SKAP2: variants seen among roughly 807,000 people sequenced by gnomAD.
SKAP2 encodes src kinase-associated phosphoprotein 2.
Under a neutral mutation model 54.9 loss-of-function variants are expected in SKAP2, and 28 were observed. The observed-to-expected ratio is 0.51, with a 90% CI of 0.38 to 0.70. SKAP2 has a LOEUF of 0.70. Among genes scored for constraint, SKAP2 ranks in the 30% least tolerant of loss-of-function variants. SKAP2 has a pLI of 0.00. For missense variants in SKAP2, 356 were observed against 424.1 expected (o/e 0.84, Z 1.41); for synonymous variants, 137 against 134.3 (o/e 1.02, Z -0.14).
In SKAP2 at chr7:26,844,081, T is replaced by C. The variant is rs747451796; in HGVS notation, c.256A>G (p.Ile86Val). The change falls in exon 4 of 13, where the codon ATT becomes GTT. Residue 86 changes from isoleucine (I) to valine (V), a missense_variant. Physicochemically the swap from Ile to Val is conservative, Grantham distance 29. Coordinates refer to ENST00000345317, the MANE Select transcript of SKAP2 (RefSeq NM_003930.5). ...TCATATCGTTCTGAGGCTAATGAAA[T>C]AGTGTCTGGAGGCCCAGCAAAAGGG... is the stretch of plus-strand genomic sequence containing the variant. The part of the protein sequence containing the change: ...DDPFAGPPDT[I>V]SLASERYDKD... 15 of 1,612,478 alleles carry C rather than the reference T, an allele frequency of 9.3e-6. 1 individual carries two copies. The South Asian group carries it at 1.6e-4, about 18-fold the overall frequency.
chr7:26,677,963 A>G (rs1256943249), intron 11 of SKAP2, among the ~76,000 whole-genome samples: 1 of 152,252 alleles, frequency 6.6e-6, no homozygotes, highest in East Asian at 1.9e-4. Context: ...ATATAGAAGA[A>G]AAGTTAAAGT....
At chr7:26,729,341 C>T (rs937157067) in intron 6 of SKAP2, among the ~76,000 whole-genome samples, 17 of 152,074 alleles carry the variant, frequency 1.1e-4, no homozygotes, top group African/African-American at 4.1e-4. Flanking sequence ...AATACAGATG[C>T]CATAAAAATA....
chr7:26,729,979 A>C (rs1787788171), intron 6 of SKAP2, among the ~76,000 whole-genome samples: 1 of 152,206 alleles, frequency 6.6e-6, no homozygotes. Flanking sequence ...ACAATTATAT[A>C]AACATCCAAG....
chr7:26,711,159 T>G (rs1787292979), intron 9 of SKAP2, among the ~76,000 whole-genome samples: 1 of 152,236 alleles, frequency 6.6e-6, no homozygotes, highest in Non-Finnish European at 1.5e-5. Context: ...AAGGGTATTT[T>G]CATTGTTTCT....
intron 3 of SKAP2, among the ~76,000 whole-genome samples, chr7:26,849,915 A>G (rs1785004407): frequency 6.6e-6 from 1 of 152,210 alleles, no homozygotes; most frequent in African/African-American, 2.4e-5. Context: ...CCTACTATGT[A>G]CTTTCACATT....
chr7:26,750,413 C>T (rs761845814), intron 4 of SKAP2, among the ~76,000 whole-genome samples: 22 of 149,806 alleles, frequency 1.5e-4, no homozygotes, highest in Non-Finnish European at 2.7e-4. Flanking sequence ...CCAGGTTCAA[C>T]GATTTCCCTG....
chr7:26,674,979 G>C (rs781624755), intron 11 of SKAP2, among the ~76,000 whole-genome samples: 1 of 152,178 alleles, frequency 6.6e-6, no homozygotes, highest in Non-Finnish European at 1.5e-5. Flanking sequence ...TCAGTAGAGA[G>C]TGACTTTGGT....
rs1454457277 is a variant in SKAP2 at position 26,844,099 on chromosome 7, C to A, written c.238G>T (p.Ala80Ser). The A allele has an allele frequency of 1.2e-6, 2 of 1,610,064 alleles. No individual in the cohort carries two copies. Among genetic ancestry groups the A allele is most frequent in the Non-Finnish European group, 1.7e-6 (2 of 1,178,002 alleles). ...AATGAAATAGTGTCTGGAGGCCCAG[C>A]AAAAGGGTCATCATATTCTTCCCCA... is the stretch of plus-strand genomic sequence containing the variant. ...EDGEEYDDPF[A>S]GPPDTISLAS... Residue 80 changes from alanine (A) to serine (S), a missense_variant, in exon 4 of 13, where the codon GCT (alanine) becomes TCT (serine). Coordinates refer to ENST00000345317, the MANE Select transcript of SKAP2 (RefSeq NM_003930.5).
chr7:26,777,425 C>T (rs1123156), intron 4 of SKAP2, among the ~76,000 whole-genome samples: 45,220 of 151,918 alleles, frequency 0.3, 7,008 homozygotes, highest in Non-Finnish European at 0.33. Flanking sequence ...TAAAAAAGTA[C>T]ACATTAATAG....
intron 4 of SKAP2, among the ~76,000 whole-genome samples, chr7:26,797,190 C>T (rs1783798865): frequency 6.6e-6 from 1 of 152,206 alleles, no homozygotes; most frequent in Non-Finnish European, 1.5e-5. Flanking sequence ...AATTGTAGAG[C>T]CCCAGGGCCT....
chr7:26,699,837 C>A (rs1294462939), intron 9 of SKAP2, among the ~76,000 whole-genome samples: 1 of 152,090 alleles, frequency 6.6e-6, no homozygotes, highest in Non-Finnish European at 1.5e-5. Flanking sequence ...TGATATCCTG[C>A]TAACCTAGAA....
intron 4 of SKAP2, among the ~76,000 whole-genome samples, chr7:26,760,395 T>C (rs1281542726): frequency 6.6e-6 from 1 of 152,138 alleles, no homozygotes; most frequent in East Asian, 1.9e-4. Flanking sequence ...TAACTTCTGG[T>C]TATAGTCACG....
At chr7:26,761,429 G>A (rs1267776184) in intron 4 of SKAP2, among the ~76,000 whole-genome samples, 1 of 152,150 alleles carries the variant, frequency 6.6e-6, no homozygotes, top group Non-Finnish European at 1.5e-5. Context: ...TTTTTAAAAT[G>A]TAATCTTATA....
chr7:26,836,160 A>T (rs968456398), intron 4 of SKAP2, among the ~76,000 whole-genome samples: 21 of 152,180 alleles, frequency 1.4e-4, no homozygotes, highest in Non-Finnish European at 3.1e-4. Flanking sequence ...CTGAAACTGG[A>T]CCCCTTCCTT....
At chr7:26,850,226 C>T (rs1584426162) in intron 3 of SKAP2, among the ~76,000 whole-genome samples, 1 of 151,986 alleles carries the variant, frequency 6.6e-6, no homozygotes, top group African/African-American at 2.4e-5. Context: ...AGCCTAAATT[C>T]GGGAGGATAC....
At chr7:26,732,480 C>T (rs1476334406) in intron 6 of SKAP2, among the ~76,000 whole-genome samples, 1 of 152,244 alleles carries the variant, frequency 6.6e-6, no homozygotes, top group South Asian at 2.1e-4. Flanking sequence ...AGTTGGTTTC[C>T]GATGCTTATA....
intron 4 of SKAP2, among the ~76,000 whole-genome samples, chr7:26,771,786 G>T (rs1379279296): frequency 6.6e-6 from 1 of 152,084 alleles, no homozygotes; most frequent in Non-Finnish European, 1.5e-5. Flanking sequence ...AAAATAAAAT[G>T]GTCAAAGTAA....
chr7:26,736,908 A>G lies in SKAP2; in HGVS notation c.469+1887T>C, dbSNP rs1447550588. On this transcript the variant is annotated intron_variant, in intron 6 of 12. Transcript: ENST00000345317. ...AGGCCCCCGCATCTCTAAAAAGAAA[A>G]AAAAAAAAAGGAATGTAACTAATAT... 2.6e-5 allele frequency among the ~76,000 whole-genome samples: 4 copies of G among 152,286 alleles called. No individual in the cohort carries two copies. The South Asian group carries it at 8.3e-4, about 32-fold the overall frequency.
intron 9 of SKAP2, among the ~76,000 whole-genome samples, chr7:26,706,580 T>C (rs574988354): frequency 5.6e-4 from 86 of 152,318 alleles, no homozygotes; most frequent in Non-Finnish European, 1.1e-3. Context: ...TCATGTGATT[T>C]TTCCTGTTTC....
Sources: allele counts gnomAD v4.1 joint callset (sites outside exome capture counted in the v4.1 genomes callset), GRCh38; gene constraint gnomAD v4.1.1; transcripts MANE v1.5; gene names NCBI Gene and HGNC (gene_info 2026-07-23, HGNC 2026-07-21).